Variants in CAMSAP2 observed in about 807,000 individuals in gnomAD.
CAMSAP2 encodes calmodulin regulated spectrin associated protein family member 2, also known as calmodulin-regulated spectrin-associated protein 2.
CAMSAP2 carries 26 observed loss-of-function variants against 146.1 expected under a neutral mutation model. The observed-to-expected ratio is 0.18, with a 90% confidence interval of 0.13 to 0.25. The LOEUF is 0.25. Among genes scored for constraint, CAMSAP2 ranks in the 10% least tolerant of loss-of-function variants. The pLI is 1.00. For synonymous variants in CAMSAP2, 499 were observed against 596.6 expected (o/e 0.84, Z 2.38); for missense variants, 1,381 against 1,759.3 (o/e 0.78, Z 3.85).
intron 2 of CAMSAP2, among the ~76,000 whole-genome samples, chr1:200,769,563 G>A (rs139133336): frequency 3.7e-4 from 57 of 152,232 alleles, no homozygotes; most frequent in African/African-American, 1.3e-3. Flanking sequence ...CTCACTGACC[G>A]GCTTCAAGTT....
chr1:200,839,695 CAG>C (rs945379168), intron 6 of CAMSAP2, among the ~76,000 whole-genome samples: 2 of 151,952 alleles, frequency 1.3e-5, no homozygotes, highest in African/African-American at 2.4e-5. Flanking sequence ...TTTGGGGACT[CAG>C]GGAAAAAAGC....
chr1:200,789,334 C>T (rs1465847393), intron 2 of CAMSAP2, among the ~76,000 whole-genome samples: 1 of 151,336 alleles, frequency 6.6e-6, no homozygotes, highest in African/African-American at 2.4e-5. Context: ...GTCTGTGATT[C>T]ATTTTGAGTT....
intron 2 of CAMSAP2, among the ~76,000 whole-genome samples, chr1:200,789,642 G>T (rs897590581): frequency 4.6e-5 from 7 of 152,018 alleles, no homozygotes; most frequent in Non-Finnish European, 8.8e-5. Flanking sequence ...TGCTATTCTA[G>T]GTCTTTTGCC....
chr1:200,740,111 G>A, intron 1 of CAMSAP2, 145 bp downstream of exon 1: 1 of 916,326 alleles, frequency 1.1e-6, no homozygotes, highest in Non-Finnish European at 1.6e-6. Flanking sequence ...GGAAGAGAAA[G>A]AAAGGAGAAA....
intron 2 of CAMSAP2, among the ~76,000 whole-genome samples, chr1:200,795,969 A>G (rs1315793567): frequency 6.6e-6 from 1 of 152,212 alleles, no homozygotes; most frequent in African/African-American, 2.4e-5. Flanking sequence ...AGGGAGGTCC[A>G]AATAAAATAA....
At chr1:200,772,364 T>C (rs1055884883) in intron 2 of CAMSAP2, among the ~76,000 whole-genome samples, 3 of 152,188 alleles carry the variant, frequency 2.0e-5, no homozygotes, top group Non-Finnish European at 4.4e-5. Context: ...ATCCCAGCAC[T>C]TTGGGAGGCT....
intron 2 of CAMSAP2, among the ~76,000 whole-genome samples, chr1:200,804,764 A>G (rs1354022666): frequency 6.6e-6 from 1 of 152,256 alleles, no homozygotes; most frequent in Non-Finnish European, 1.5e-5. Context: ...GGACAGTAGC[A>G]GTGTGGAAAA....
rs372463519 is a variant in CAMSAP2 at position 200,855,887 on chromosome 1, G to A, written c.3897-123G>A. The A allele has an allele frequency of 1.1e-3, 734 of 668,764 alleles. 11 individuals carry two copies. In the South Asian group the frequency reaches 0.013, roughly 12 times the overall value. 41.4% of individuals were successfully genotyped at this position (668,764 alleles called of 1,614,324 possible). On this transcript the variant is annotated intron_variant, in intron 14 of 16. Transcript: ENST00000358823. ...TGGGATTACAGGCATGAGCCACCGC[G>A]CCCGGCCTTATCATATTATTTTTAG...
chr1:200,751,638 A>G (rs577193028), intron 1 of CAMSAP2, among the ~76,000 whole-genome samples: 2 of 152,228 alleles, frequency 1.3e-5, no homozygotes, highest in Admixed American at 1.3e-4. Context: ...AAATCATAAC[A>G]GAATATTTAA....
At chr1:200,850,255 G>GT in intron 11 of CAMSAP2, 21 bp downstream of exon 11, 1 of 1,524,076 alleles carries the variant, frequency 6.6e-7, no homozygotes, top group Non-Finnish European at 8.8e-7. Flanking sequence ...AATCTGCATA[G>GT]TTTTGGGCAT....
chr1:200,770,396 A>G (rs1039923958), intron 2 of CAMSAP2, among the ~76,000 whole-genome samples: 1 of 151,786 alleles, frequency 6.6e-6, no homozygotes, highest in Non-Finnish European at 1.5e-5. Context: ...TTCCCAAACC[A>G]AAACAAAATG....
chr1:200,824,206 G>A (rs542689682), intron 4 of CAMSAP2, among the ~76,000 whole-genome samples: 9 of 147,386 alleles, frequency 6.1e-5, no homozygotes, highest in Non-Finnish European at 1.3e-4. Context: ...TGACTCCTGT[G>A]CTTTTGATAT....
chr1:200,803,517 G>A lies in CAMSAP2; in HGVS notation c.400-3859G>A, dbSNP rs1666088548. Among the ~76,000 whole-genome samples the A allele has an allele frequency of 1.3e-5, 2 of 151,014 alleles. 1 individual carries two copies. The highest frequency in any genetic ancestry group is 4.1e-4 in the South Asian group (2 of 4,820). ...CTCCAAACTGATTGATTTTAGCCTT[G>A]AGTTTATTTTTTAATGTTGATCTTT... On this transcript the variant is annotated intron_variant, in intron 2 of 16. Transcript: ENST00000358823.
chr1:200,808,795 A>G (rs1666248014), intron 3 of CAMSAP2, among the ~76,000 whole-genome samples: 1 of 152,208 alleles, frequency 6.6e-6, no homozygotes, highest in African/African-American at 2.4e-5. Flanking sequence ...CTTATAAACT[A>G]TTGAGCCTAT....
In CAMSAP2 at chr1:200,855,921, G is replaced by A. The variant is rs868060030; in HGVS notation, c.3897-89G>A. The A allele has an allele frequency of 1.3e-5, 11 of 856,020 alleles. No individual in the cohort carries two copies. In the African/African-American group the frequency reaches 1.9e-4, roughly 15 times the overall value. 53.0% of individuals were successfully genotyped at this position (856,020 alleles called of 1,614,324 possible). ...TATCATATTATTTTTAGGCCTTTAG[G>A]TTGATTTTGATTGTTACTTTCACGT... On this transcript the variant is annotated intron_variant, in intron 14 of 16. Coordinates refer to ENST00000358823, the MANE Select transcript of CAMSAP2 (RefSeq NM_203459.4).
At chr1:200,786,635 G>C (rs1210067303) in intron 2 of CAMSAP2, among the ~76,000 whole-genome samples, 1 of 152,180 alleles carries the variant, frequency 6.6e-6, no homozygotes, top group African/African-American at 2.4e-5. Context: ...ACCAACCTCA[G>C]CCTTTTAAAG....
chr1:200,846,479 T>C (rs893647942), intron 8 of CAMSAP2, among the ~76,000 whole-genome samples: 2 of 152,200 alleles, frequency 1.3e-5, no homozygotes, highest in African/African-American at 4.8e-5. Context: ...AGAAACTCTT[T>C]TTATAATGCA....
intron 4 of CAMSAP2, among the ~76,000 whole-genome samples, chr1:200,816,737 C>T (rs200263908): frequency 0.69 from 21,130 of 30,452 alleles, 8,997 homozygotes; most frequent in Middle Eastern, 0.86. Context: ...TATGTGTGTA[C>T]ACACACACGC....
rs548749245 is a variant in CAMSAP2, at chr1:200,794,883, AGTT to A, written c.400-12490_400-12488del. Reference sequence around the variant, plus strand: ...AGTCCTCATTGCCTCCTGGTTATAAAGTTGTGTGACTTTTGAGTGATTCATCCT... The same window carrying A: ...AGTCCTCATTGCCTCCTGGTTATAAAGTGTGACTTTTGAGTGATTCATCCT... On this transcript the variant is annotated intron_variant, in intron 2 of 16. Transcript: ENST00000358823. 1.3e-4 allele frequency among the ~76,000 whole-genome samples: 20 copies of A among 152,324 alleles called. No individual in the cohort carries two copies. In the East Asian group the frequency reaches 3.7e-3, roughly 28 times the overall value.
Sources: allele counts gnomAD v4.1 joint callset (sites outside exome capture counted in the v4.1 genomes callset), GRCh38; gene constraint gnomAD v4.1.1; transcripts MANE v1.5; gene names NCBI Gene and HGNC (gene_info 2026-07-23, HGNC 2026-07-21).